VANGL1: variants seen among roughly 807,000 people sequenced by gnomAD.
VANGL1 encodes the protein VANGL planar cell polarity protein 1.
Under a neutral mutation model 48.4 loss-of-function variants are expected in VANGL1, and 18 were observed. The ratio of observed to expected loss-of-function variants is 0.37; its 90% CI spans 0.26 to 0.55. The LOEUF is 0.55. Among genes scored for constraint, VANGL1 ranks in the 20% least tolerant of loss-of-function variants. The pLI, the probability that VANGL1 is intolerant of heterozygous loss-of-function variation, is 0.81. For synonymous variants in VANGL1, 257 were observed against 261.8 expected (o/e 0.98, Z 0.18); for missense variants, 667 against 675.8 (o/e 0.99, Z 0.14).
At chr1:115,672,302 G>A (rs1199645040) in intron 4 of VANGL1, among the ~76,000 whole-genome samples, 1 of 152,150 alleles carries the variant, frequency 6.6e-6, no homozygotes, top group Non-Finnish European at 1.5e-5. Flanking sequence ...TGCAGGGCTT[G>A]TCCACAGCTT....
intron 4 of VANGL1, among the ~76,000 whole-genome samples, chr1:115,678,182 G>C (rs1410490415): frequency 6.6e-6 from 1 of 152,232 alleles, no homozygotes; most frequent in Non-Finnish European, 1.5e-5. Flanking sequence ...GATATCACAA[G>C]TCATGTGTCA....
At chr1:115,644,813 G>T (rs1651857990) in intron 1 of VANGL1, among the ~76,000 whole-genome samples, 1 of 152,190 alleles carries the variant, frequency 6.6e-6, no homozygotes, top group Admixed American at 6.5e-5. Context: ...GCTGCTGGAG[G>T]TGTTTCAGGG....
At chr1:115,685,613 T>A in intron 7 of VANGL1, 86 bp downstream of exon 7, 1 of 1,381,910 alleles carries the variant, frequency 7.2e-7, no homozygotes, top group Non-Finnish European at 1.0e-6. Flanking sequence ...TTACTAGAAG[T>A]GATAAAATCG....
At position 115,697,905 on chromosome 1, in the gene VANGL1, G is replaced by A. The variant is rs1352791939; in HGVS notation, c.*6526G>A. 1.3e-5 allele frequency: 2 copies of A among 152,232 alleles called. No homozygotes were observed. Among genetic ancestry groups the A allele is most frequent in the Admixed American group, 1.3e-4 (2 of 15,280 alleles). 9.4% of individuals were successfully genotyped at this position (152,232 alleles called of 1,614,324 possible). A position where few individuals can be genotyped will look rare whatever the true frequency, so the allele number is the denominator to read the frequency against. On this transcript the variant is annotated 3_prime_UTR_variant, in exon 8 of 8. Coordinates refer to ENST00000355485, the MANE Select transcript of VANGL1 (RefSeq NM_138959.3). ...CATATGTGTATGACAAGGCCTGAGT[G>A]AGTTCCTGCATAAACTGGGTAGTGG...
intron 4 of VANGL1, among the ~76,000 whole-genome samples, chr1:115,667,508 G>A (rs1652836855): frequency 6.6e-6 from 1 of 152,184 alleles, no homozygotes; most frequent in South Asian, 2.1e-4. Flanking sequence ...CCCTGTCAGA[G>A]GTCAGAGCAG....
At chr1:115,667,445 A>G (rs891225342) in intron 4 of VANGL1, among the ~76,000 whole-genome samples, 6 of 152,198 alleles carry the variant, frequency 3.9e-5, no homozygotes, top group Non-Finnish European at 7.3e-5. Flanking sequence ...CCAGTGCCCT[A>G]GGAGTTATGA....
Position 115,697,710 on chromosome 1 carries a change from G to C in VANGL1, c.*6331G>C, listed in dbSNP as rs1654081151. On this transcript the variant is annotated 3_prime_UTR_variant, in exon 8 of 8. Coordinates refer to ENST00000355485, the MANE Select transcript of VANGL1 (RefSeq NM_138959.3). ...TTTACATTTCCTGATTTCAAGTCCA[G>C]CACCAATTTAGAAAGTTCAGAGATG... is the stretch of plus-strand genomic sequence containing the variant. 2.0e-5 allele frequency: 3 copies of C among 152,234 alleles called. No individual in the cohort carries two copies. The highest frequency in any genetic ancestry group is 7.2e-5 in the African/African-American group (3 of 41,454). The allele number at this position is 152,234 out of a possible 1,614,324, so 9.4% of individuals were successfully genotyped here. A position where few individuals can be genotyped will look rare whatever the true frequency, so the allele number is the denominator to read the frequency against.
At chr1:115,672,457 T>C (rs947934398) in intron 4 of VANGL1, among the ~76,000 whole-genome samples, 34 of 152,276 alleles carry the variant, frequency 2.2e-4, no homozygotes, top group Non-Finnish European at 1.6e-4. Flanking sequence ...AGCCTTCCCA[T>C]GGGCCTCAGC....
At chr1:115,678,933 G>A (rs1653269962) in intron 4 of VANGL1, among the ~76,000 whole-genome samples, 1 of 146,864 alleles carries the variant, frequency 6.8e-6, no homozygotes, top group South Asian at 2.2e-4. Context: ...CAGCCTGGGT[G>A]ACAGCGGGAG....
At chr1:115,665,915 G>A (rs1346333431) in intron 4 of VANGL1, among the ~76,000 whole-genome samples, 1 of 152,244 alleles carries the variant, frequency 6.6e-6, no homozygotes, top group Non-Finnish European at 1.5e-5. Flanking sequence ...GGCACTCACA[G>A]TCACTTGGAA....
Position 115,694,696 on chromosome 1 carries a change from T to C in VANGL1, c.*3317T>C, listed in dbSNP as rs1216237946. ...AGTGAGTCCTTGGTTTACCTTCCAA[T>C]CTGGGTCCTGCTGTGTAAGTATCCC... On this transcript the variant is annotated 3_prime_UTR_variant, in exon 8 of 8. Coordinates refer to ENST00000355485, the MANE Select transcript of VANGL1 (RefSeq NM_138959.3). The C allele has an allele frequency of 6.6e-6, 1 of 152,200 alleles. No individual in the cohort carries two copies. The highest frequency in any genetic ancestry group is 2.4e-5 in the African/African-American group (1 of 41,450). 9.4% of individuals were successfully genotyped at this position (152,200 alleles called of 1,614,324 possible). A position where few individuals can be genotyped will look rare whatever the true frequency, so the allele number is the denominator to read the frequency against.
Position 115,659,855 on chromosome 1 carries a change from G to A in VANGL1, c.204+82G>A. On this transcript the variant is annotated intron_variant, in intron 3 of 7. Transcript: ENST00000355485. ...TAAATGTTTTCCTTAGGTTCTCTTG[G>A]ATTTTTGTCTTTATTTTTCTAGCAT... is the stretch of plus-strand genomic sequence containing the variant. 1.9e-6 allele frequency: 3 copies of A among 1,587,548 alleles called. No individual in the cohort carries two copies. In the South Asian group the frequency reaches 3.3e-5, roughly 18 times the overall value.
At chr1:115,666,569 C>T (rs1306769905) in intron 4 of VANGL1, among the ~76,000 whole-genome samples, 1 of 152,164 alleles carries the variant, frequency 6.6e-6, no homozygotes, top group East Asian at 1.9e-4. Context: ...AACAACTGTC[C>T]AGGCTTTAAA....
At position 115,692,790 on chromosome 1, in the gene VANGL1, G is replaced by A. The variant is rs965828924; in HGVS notation, c.*1411G>A. The A allele has an allele frequency of 3.9e-5, 6 of 152,252 alleles. No homozygotes were observed. Among genetic ancestry groups the A allele is most frequent in the African/African-American group, 1.4e-4 (6 of 41,456 alleles). The allele number at this position is 152,252 out of a possible 1,614,324, so 9.4% of individuals were successfully genotyped here. A position where few individuals can be genotyped will look rare whatever the true frequency, so the allele number is the denominator to read the frequency against. ...AGCCCCATCCGGACCTCTTGCACTG[G>A]GCTGCCTTTGCCTCCATTTGCCTTC... On this transcript the variant is annotated 3_prime_UTR_variant, in exon 8 of 8. Transcript: ENST00000355485.
rs376907485 is a variant in VANGL1, at chr1:115,672,811, G to A, written c.812+8543G>A. On this transcript the variant is annotated intron_variant, in intron 4 of 7. Transcript: ENST00000355485. ...GTGCCTGGTTGTCAGTGAAGGCGGT[G>A]GCGTTCAGCGTCCAGGGGCTAATTA... 2.5e-3 allele frequency among the ~76,000 whole-genome samples: 374 copies of A among 152,304 alleles called. 1 individual carries two copies. The highest frequency in any genetic ancestry group is 8.7e-3 in the African/African-American group (361 of 41,568).
At chr1:115,681,587 A>T (rs372741789) in intron 4 of VANGL1, among the ~76,000 whole-genome samples, 2 of 147,584 alleles carry the variant, frequency 1.4e-5, no homozygotes. Flanking sequence ...GCTCACTGCA[A>T]CCTCCGCCTC....
intron 1 of VANGL1, among the ~76,000 whole-genome samples, chr1:115,651,076 G>T (rs545971427): frequency 6.6e-6 from 1 of 151,968 alleles, no homozygotes; most frequent in Non-Finnish European, 1.5e-5. Flanking sequence ...CTTGCTCAGC[G>T]CCTATCCTGT....
chr1:115,665,940 C>T (rs534659002), intron 4 of VANGL1, among the ~76,000 whole-genome samples: 4 of 152,198 alleles, frequency 2.6e-5, no homozygotes, highest in African/African-American at 7.2e-5. Context: ...ACCAGTGCAC[C>T]GCTGTCTGGT....
At chr1:115,666,584 TC>T (rs763494740) in intron 4 of VANGL1, among the ~76,000 whole-genome samples, 25 of 152,188 alleles carry the variant, frequency 1.6e-4, no homozygotes, top group Admixed American at 5.2e-4. Context: ...TTTAAAAAAC[TC>T]AAGTCAGTCA....
Sources: allele counts gnomAD v4.1 joint callset (sites outside exome capture counted in the v4.1 genomes callset), GRCh38; gene constraint gnomAD v4.1.1; transcripts MANE v1.5; gene names NCBI Gene and HGNC (gene_info 2026-07-23, HGNC 2026-07-21).